Variants in SDHC observed in about 807,000 individuals in gnomAD.
The protein encoded by SDHC is succinate dehydrogenase cytochrome b560 subunit, mitochondrial.
Under a neutral mutation model 22.6 loss-of-function variants are expected in SDHC, and 11 were observed. The observed-to-expected ratio is 0.49, with a 90% CI of 0.31 to 0.81. SDHC has a LOEUF of 0.81. Ranked by LOEUF, SDHC falls within the 30% of genes least tolerant of loss-of-function variation. SDHC has a pLI of 0.05. For synonymous variants in SDHC, 80 were observed against 77.8 expected, an observed-to-expected ratio of 1.03 and a Z score of -0.15; for missense variants, 160 against 212.0, an observed-to-expected ratio of 0.75 and a Z score of 1.52.
chr1:161,354,662 T>TG, intron 4 of SDHC, among the ~76,000 whole-genome samples: 1 of 108,860 alleles, frequency 9.2e-6, no homozygotes, highest in Non-Finnish European at 1.8e-5. Context: ...GTCTTATTTC[T>TG]TTGTGTGTGT....
At chr1:161,316,491 C>T (rs1294679936) in intron 1 of SDHC, among the ~76,000 whole-genome samples, 2 of 152,210 alleles carry the variant, frequency 1.3e-5, no homozygotes, top group Admixed American at 6.5e-5. Flanking sequence ...TGACACAGCA[C>T]ATGTCTAAGG....
rs2102385065 is a variant in SDHC, at chr1:161,362,346, A to C, written c.423A>C (p.Lys141Asn). ...GTCCACAGATGTGGGACCTAGGAAA[A>C]GGCCTGAAGATTCCCCAGCTATACC... ...GIRHLMWDLG[K>N]GLKIPQLYQS... Residue 141 changes from lysine to asparagine, a missense_variant, in exon 6 of 6, where the codon AAA becomes AAC. Lys to Asn is a moderately conservative substitution (Grantham distance 94). This residue lies in a region of SDHC where 74 missense variants were observed against 128.6 expected (regional missense o/e 0.58). Coordinates refer to ENST00000367975, the MANE Select transcript of SDHC (RefSeq NM_003001.5). The C allele has an allele frequency of 6.2e-7, 1 of 1,613,480 alleles. No individual in the cohort carries two copies. Among genetic ancestry groups the C allele is most frequent in the Non-Finnish European group, 8.5e-7 (1 of 1,179,786 alleles).
rs989104326 is a variant in SDHC at position 161,347,815 on chromosome 1, G to A, written c.241+7160G>A. The stretch of plus-strand genomic sequence containing the variant: ...CAGGAGGCGGAGGTTGCAGTGAGCC[G>A]AGATCACGCCACTGCACTCCAGCCT... On this transcript the variant is annotated intron_variant, in intron 4 of 5. Coordinates refer to ENST00000367975, the MANE Select transcript of SDHC (RefSeq NM_003001.5). Among the ~76,000 whole-genome samples the A allele has an allele frequency of 6.6e-5, 10 of 152,066 alleles. No homozygotes were observed. In the South Asian group the frequency reaches 1.9e-3, roughly 28 times the overall value.
chr1:161,359,675 A>G (rs545124241), intron 5 of SDHC, among the ~76,000 whole-genome samples: 1 of 152,346 alleles, frequency 6.6e-6, no homozygotes, highest in East Asian at 1.9e-4. Context: ...AGGGAAGTGA[A>G]GAACCTAAGG....
chr1:161,362,560 T>C lies in SDHC; in HGVS notation c.*127T>C. On this transcript the variant is annotated 3_prime_UTR_variant, in exon 6 of 6. Coordinates refer to ENST00000367975, the MANE Select transcript of SDHC (RefSeq NM_003001.5). ...GTTTAGATCCTTTTGTATTTTCAGA[T>C]CTCCTTGGAGCAGTAGAGTACCTGG... is the stretch of plus-strand genomic sequence containing the variant. 6.2e-7 allele frequency: 1 copy of C among 1,608,282 alleles called. No individual in the cohort carries two copies. Among genetic ancestry groups the C allele is most frequent in the Non-Finnish European group, 8.5e-7 (1 of 1,177,582 alleles).
chr1:161,314,584 C>A (rs2102272646), intron 1 of SDHC, 159 bp downstream of exon 1: 2 of 829,600 alleles, frequency 2.4e-6, no homozygotes, highest in Non-Finnish European at 4.0e-6. Flanking sequence ...CCCCTTTTCC[C>A]GTCCCCCCCA....
intron 4 of SDHC, among the ~76,000 whole-genome samples, chr1:161,344,877 C>T (rs998805298): frequency 2.0e-5 from 3 of 152,094 alleles, no homozygotes; most frequent in African/African-American, 2.4e-5. Context: ...TGCCCTGGAC[C>T]GAATGGCAAG....
intron 4 of SDHC, among the ~76,000 whole-genome samples, chr1:161,348,776 T>G (rs2102353778): frequency 6.6e-6 from 1 of 151,680 alleles, no homozygotes; most frequent in South Asian, 2.1e-4. Flanking sequence ...AGGCAGAGGT[T>G]GCAGTGAGCT....
rs139088809 is a variant in SDHC at position 161,336,254 on chromosome 1, C to T, written c.180-4340C>T. ...TGGGTGGATCATGAGGTCAAGAGAT[C>T]GAGATCATCCTGATCTCAGGTGAAA... On this transcript the variant is annotated intron_variant, in intron 3 of 5. Transcript: ENST00000367975. Among the ~76,000 whole-genome samples, 23 of 152,106 alleles carry T rather than the reference C, an allele frequency of 1.5e-4. No homozygotes were observed. In the East Asian group the frequency reaches 4.3e-3, roughly 28 times the overall value.
intron 4 of SDHC, among the ~76,000 whole-genome samples, chr1:161,341,824 ATTG>A (rs1671726890): frequency 6.6e-6 from 1 of 151,946 alleles, no homozygotes; most frequent in African/African-American, 2.4e-5. Context: ...TTACTTGTTC[ATTG>A]TTGTTCTTCC....
chr1:161,359,623 T>A (rs1571894817), intron 5 of SDHC, among the ~76,000 whole-genome samples: 2 of 152,176 alleles, frequency 1.3e-5, no homozygotes, highest in East Asian at 3.8e-4. Context: ...ACTTAGAGCT[T>A]TTCTGCCCTG....
intron 1 of SDHC, among the ~76,000 whole-genome samples, chr1:161,322,207 T>C (rs1323479690): frequency 6.6e-6 from 1 of 152,184 alleles, no homozygotes; most frequent in Non-Finnish European, 1.5e-5. Context: ...GGTTTCAGAT[T>C]CTGGATTTTC....
chr1:161,339,589 G>A (rs1305835508), intron 3 of SDHC: 3 of 1,252,672 alleles, frequency 2.4e-6, no homozygotes. Flanking sequence ...TCTGGTAAAG[G>A]TAGGGATCCT....
At chr1:161,323,565 A>C in intron 1 of SDHC, 49 bp from the exon 2 acceptor site, 1 of 1,440,584 alleles carries the variant, frequency 6.9e-7, no homozygotes, top group Non-Finnish European at 9.8e-7. Flanking sequence ...TTGATATACT[A>C]AAGTTGATCT....
chr1:161,334,437 G>T (rs757406920), intron 3 of SDHC, among the ~76,000 whole-genome samples: 1 of 151,912 alleles, frequency 6.6e-6, no homozygotes, highest in Non-Finnish European at 1.5e-5. Flanking sequence ...ACAGGGTCTC[G>T]CTGTGTTGCC....
chr1:161,323,748 T>G (rs1333248936), intron 2 of SDHC, 78 bp downstream of exon 2: 5 of 1,110,348 alleles, frequency 4.5e-6, no homozygotes, highest in Non-Finnish European at 6.5e-6. Flanking sequence ...CAGGCTGGAG[T>G]GCAATGGCGC....
chr1:161,321,806 G>T lies in SDHC; in HGVS notation c.21-1808G>T, dbSNP rs546921925. Among the ~76,000 whole-genome samples the T allele has an allele frequency of 2.6e-5, 4 of 152,314 alleles. No homozygotes were observed. In the South Asian group the frequency reaches 8.3e-4, roughly 32 times the overall value. On this transcript the variant is annotated intron_variant, in intron 1 of 5. Transcript: ENST00000367975. ...GCTTTTTTAGAAGATCATTAGATCT[G>T]TATGAGATCTTGTGTCCTAGTGCCT...
At chr1:161,357,471 G>C (rs1169742050) in intron 5 of SDHC, among the ~76,000 whole-genome samples, 2 of 152,020 alleles carry the variant, frequency 1.3e-5, no homozygotes, top group Admixed American at 6.6e-5. Context: ...GCGATCTTGG[G>C]TCACTGCAAA....
intron 2 of SDHC, 57 bp downstream of exon 2, chr1:161,323,727 G>A (rs1025909244): frequency 8.2e-6 from 11 of 1,334,878 alleles, no homozygotes; most frequent in East Asian, 2.4e-5. Context: ...ACGGAGTCTC[G>A]CTCTGTCACC....
Sources: gnomAD v4.1 joint callset for allele counts (sites outside exome capture counted in the v4.1 genomes callset) on GRCh38, gnomAD v4.1.1 for gene constraint, gnomAD v4.1.1 regional missense constraint, MANE v1.5 for transcripts, NCBI Gene and HGNC (gene_info 2026-07-23, HGNC 2026-07-21) for gene names.